The following TMPRSS11E variants were observed in gnomAD, a reference collection of about 807,000 sequenced individuals.
TMPRSS11E encodes transmembrane serine protease 11E.
Under a neutral mutation model 48.1 loss-of-function variants are expected in TMPRSS11E, and 38 were observed. The observed-to-expected ratio is 0.79, with a 90% CI of 0.61 to 1.04. The LOEUF (loss-of-function observed/expected upper bound fraction) is 1.04, where lower values mean the gene tolerates loss of function less well. Among genes scored for constraint, TMPRSS11E ranks in the 50% least tolerant of loss-of-function variants. TMPRSS11E has a pLI of 0.00. For missense variants in TMPRSS11E, 530 were observed against 510.8 expected (o/e 1.04, Z -0.36); for synonymous variants, 158 against 171.9 (o/e 0.92, Z 0.63).
chr4:68,491,498 C>T (rs1050280262), intron 9 of TMPRSS11E, among the ~76,000 whole-genome samples: 4 of 151,818 alleles, frequency 2.6e-5, no homozygotes, highest in Non-Finnish European at 4.4e-5. Context: ...TAAGTCTGTC[C>T]CATATTGGTC....
At chr4:68,481,418 C>T (rs1006460943) in intron 9 of TMPRSS11E, among the ~76,000 whole-genome samples, 14 of 152,198 alleles carry the variant, frequency 9.2e-5, no homozygotes, top group African/African-American at 2.7e-4. Flanking sequence ...TACATTCCCA[C>T]GAGCAGTGTA....
At position 68,476,446 on chromosome 4, in the gene TMPRSS11E, T is replaced by A. The variant is rs780238897; in HGVS notation, c.707+8T>A. 2 of 1,599,322 alleles carry A rather than the reference T, an allele frequency of 1.3e-6. No homozygotes were observed. The highest frequency in any genetic ancestry group is 2.2e-5 in the South Asian group (2 of 89,214). On this transcript the variant is annotated splice_region_variant and intron_variant, in intron 7 of 9. Transcript: ENST00000305363. ...TGCTCACTGTTTTACAACGTAAGTCTTGAAGCTTGAGAATGATTGGGAGTG... is the reference window on the plus strand; with the variant it reads ...TGCTCACTGTTTTACAACGTAAGTCATGAAGCTTGAGAATGATTGGGAGTG...
rs1266180002 is a variant in TMPRSS11E, at chr4:68,496,768, C to T, written c.1236C>T (p.Ala412=). The T allele has an allele frequency of 3.7e-6, 6 of 1,613,280 alleles. No homozygotes were observed. The South Asian group carries it at 4.4e-5, about 12-fold the overall frequency. ...NKPGVYTRVT[A]LRDWITSKTG... ...CTGGTGTTTATACTAGAGTTACGGCCTTGCGGGACTGGATTACTTCAAAAA... is the reference window on the plus strand; with the variant it reads ...CTGGTGTTTATACTAGAGTTACGGCTTTGCGGGACTGGATTACTTCAAAAA... The change falls in exon 10 of 10, where the codon GCC becomes GCT. Residue 412 remains alanine, a synonymous_variant. Coordinates refer to ENST00000305363, the MANE Select transcript of TMPRSS11E (RefSeq NM_014058.4).
Position 68,477,647 on chromosome 4 carries a change from A to T in TMPRSS11E, c.967+19A>T. 6.2e-7 allele frequency: 1 copy of T among 1,607,734 alleles called. No individual in the cohort carries two copies. The highest frequency in any genetic ancestry group is 8.5e-7 in the Non-Finnish European group (1 of 1,176,778). On this transcript the variant is annotated intron_variant, in intron 8 of 9. Transcript: ENST00000305363. ...AATGATGGTGAGCATCGGAAGAGGA[A>T]CTCAAGTAAAAGTTAAATTGGTATT...
At chr4:68,456,729 A>T (rs1015650983) in intron 1 of TMPRSS11E, among the ~76,000 whole-genome samples, 5 of 152,130 alleles carry the variant, frequency 3.3e-5, no homozygotes, top group African/African-American at 9.6e-5. Flanking sequence ...ATGGAACAGA[A>T]CAGAGGCCTC....
intron 1 of TMPRSS11E, among the ~76,000 whole-genome samples, chr4:68,449,451 C>T (rs1012725479): frequency 6.6e-6 from 1 of 151,360 alleles, no homozygotes; most frequent in Non-Finnish European, 1.5e-5. Context: ...GACATCCACA[C>T]ATATTGAGAT....
intron 1 of TMPRSS11E, among the ~76,000 whole-genome samples, chr4:68,448,847 A>G (rs1320130049): frequency 6.6e-6 from 1 of 151,880 alleles, no homozygotes; most frequent in Non-Finnish European, 1.5e-5. Context: ...GTGGGTCTAG[A>G]TGAGATAAAA....
At position 68,471,046 on chromosome 4, in the gene TMPRSS11E, C is replaced by T. The variant is rs545273213; in HGVS notation, c.327-414C>T. Among the ~76,000 whole-genome samples the T allele has an allele frequency of 1.4e-4, 21 of 151,884 alleles. No individual in the cohort carries two copies. The East Asian group carries it at 2.9e-3, about 21-fold the overall frequency. On this transcript the variant is annotated intron_variant, in intron 4 of 9. Coordinates refer to ENST00000305363, the MANE Select transcript of TMPRSS11E (RefSeq NM_014058.4). ...ATTAATAGCCATATACTTAACTAGA[C>T]CTTTTGATGGTAAGGGAGACCATGA...
rs376907406 is a variant in TMPRSS11E at position 68,471,430 on chromosome 4, T to C, written c.327-30T>C. The C allele has an allele frequency of 1.2e-5, 16 of 1,333,924 alleles. No homozygotes were observed. The African/African-American group carries it at 2.0e-4, about 16-fold the overall frequency. The allele number at this position is 1,333,924 out of a possible 1,614,324, so 82.6% of individuals were successfully genotyped here. ...CCTTTCTTTCTTCTTTTCTTTTCTT[T>C]CTTTCATTTTCTTCTTTTTTGGCCC... On this transcript the variant is annotated intron_variant, in intron 4 of 9. Coordinates refer to ENST00000305363, the MANE Select transcript of TMPRSS11E (RefSeq NM_014058.4).
chr4:68,477,862 C>T (rs1380128440), intron 8 of TMPRSS11E, among the ~76,000 whole-genome samples: 3 of 152,058 alleles, frequency 2.0e-5, no homozygotes, highest in African/African-American at 4.8e-5. Flanking sequence ...GCTAAGATGT[C>T]TGAAAAAGCA....
intron 1 of TMPRSS11E, among the ~76,000 whole-genome samples, chr4:68,452,285 G>C (rs1401294582): frequency 6.6e-6 from 1 of 151,814 alleles, no homozygotes; most frequent in Admixed American, 6.6e-5. Context: ...ATTTAAGCTT[G>C]TATGAAAATA....
rs1367463951 is a variant in TMPRSS11E at position 68,476,276 on chromosome 4, G to C, written c.545G>C (p.Arg182Thr). The C allele has an allele frequency of 3.1e-6, 5 of 1,614,098 alleles. No homozygotes were observed. The East Asian group carries it at 6.7e-5, about 22-fold the overall frequency. ...SYLNHCCGTR[R>T]SKTLGQSLRI... Reference sequence around the variant, plus strand: ...TCTTTTGCAGGCTGCGGAACACGAAGAAGTAAAACTCTAGGTCAGAGTCTC... The same window carrying C: ...TCTTTTGCAGGCTGCGGAACACGAACAAGTAAAACTCTAGGTCAGAGTCTC... The change falls in exon 7 of 10, where the codon AGA (arginine) becomes ACA (threonine). Residue 182 changes from arginine to threonine, a missense_variant. Transcript: ENST00000305363.
At chr4:68,477,284 C>T in intron 7 of TMPRSS11E, 85 bp from the exon 8 acceptor site, 1 of 1,310,894 alleles carries the variant, frequency 7.6e-7, no homozygotes, top group Non-Finnish European at 1.0e-6. Flanking sequence ...AAAAAATCTA[C>T]ACCTGTAGAC....
At chr4:68,454,057 C>G (rs939712159) in intron 1 of TMPRSS11E, among the ~76,000 whole-genome samples, 3 of 151,804 alleles carry the variant, frequency 2.0e-5, no homozygotes, top group Non-Finnish European at 2.9e-5. Context: ...TTTCTGGTGG[C>G]TGTGTGCCTA....
chr4:68,461,466 C>T (rs1265848969), intron 1 of TMPRSS11E, among the ~76,000 whole-genome samples: 3 of 152,206 alleles, frequency 2.0e-5, no homozygotes, highest in African/African-American at 7.2e-5. Flanking sequence ...GCTGGCTCAA[C>T]AAGTGATAGC....
chr4:68,471,513 C>G lies in TMPRSS11E; in HGVS notation c.380C>G (p.Ser127Cys), dbSNP rs1487467600. ...ATGCTGTTGATTTGTAGATTTCACT[C>G]TACTGAGGATCCTGAAACTGTAGAT... ...AHMLLICRFH[S>C]TEDPETVDKI... is the part of the protein sequence containing the mutation. The change falls in exon 5 of 10, where the codon TCT becomes TGT. Residue 127 changes from serine (S) to cysteine (C), a missense_variant. Coordinates refer to ENST00000305363, the MANE Select transcript of TMPRSS11E (RefSeq NM_014058.4). 1.9e-6 allele frequency: 3 copies of G among 1,608,474 alleles called. No homozygotes were observed. In the Admixed American group the frequency reaches 5.1e-5, roughly 27 times the overall value.
intron 9 of TMPRSS11E, among the ~76,000 whole-genome samples, chr4:68,485,732 T>G (rs931573899): frequency 1.3e-5 from 2 of 152,188 alleles, no homozygotes; most frequent in Non-Finnish European, 2.9e-5. Flanking sequence ...TGGTACCAGC[T>G]CTTCTTTATA....
intron 9 of TMPRSS11E, among the ~76,000 whole-genome samples, chr4:68,490,105 C>T (rs942555030): frequency 6.6e-6 from 1 of 152,148 alleles, no homozygotes; most frequent in Non-Finnish European, 1.5e-5. Flanking sequence ...TACTCCTTCC[C>T]CAGGAGCCTC....
chr4:68,482,718 G>A (rs187548895), intron 9 of TMPRSS11E, among the ~76,000 whole-genome samples: 41 of 151,814 alleles, frequency 2.7e-4, no homozygotes, highest in African/African-American at 9.2e-4. Context: ...GCTGCATTGA[G>A]CTGTGATCGC....
Sources: gnomAD v4.1 joint callset for allele counts (sites outside exome capture counted in the v4.1 genomes callset) on GRCh38, gnomAD v4.1.1 for gene constraint, MANE v1.5 for transcripts, NCBI Gene and HGNC (gene_info 2026-07-23, HGNC 2026-07-21) for gene names.